Variants in PRDM16 observed in about 807,000 individuals in gnomAD.
PRDM16 encodes histone-lysine N-methyltransferase PRDM16.
In PRDM16, 23 loss-of-function variants were observed where a neutral mutation model predicts 110.6. The observed-to-expected ratio is 0.21, with a 90% CI of 0.15 to 0.29. The LOEUF (loss-of-function observed/expected upper bound fraction) is 0.29, where lower values mean the gene tolerates loss of function less well. Among genes scored for constraint, PRDM16 ranks in the 10% least tolerant of loss-of-function variants. The pLI, the probability that PRDM16 is intolerant of heterozygous loss-of-function variation, is 1.00. For synonymous variants in PRDM16, 799 were observed against 781.8 expected (o/e 1.02, Z -0.37); for missense variants, 1,615 against 1,794.3 (o/e 0.90, Z 1.81).
chr1:3,147,495 C>T (rs914844422), intron 1 of PRDM16, among the ~76,000 whole-genome samples: 1 of 152,100 alleles, frequency 6.6e-6, no homozygotes, highest in Non-Finnish European at 1.5e-5. Context: ...TGGACTCCGT[C>T]GCCCTGAGGC....
chr1:3,407,852 G>C (rs935566978), intron 8 of PRDM16, among the ~76,000 whole-genome samples: 3 of 152,216 alleles, frequency 2.0e-5, no homozygotes, highest in African/African-American at 7.2e-5. Context: ...GGCGACTCTT[G>C]CGCTTCTTGT....
intron 4 of PRDM16, 91 bp from the exon 5 acceptor site, chr1:3,396,400 G>C (rs547257276): frequency 1.3e-5 from 10 of 769,726 alleles, no homozygotes; most frequent in South Asian, 8.8e-5. Flanking sequence ...GCCGAGCTGC[G>C]TCCACAGTGT....
chr1:3,412,082 G>A lies in PRDM16; in HGVS notation c.1885G>A (p.Val629Met), dbSNP rs568518616. The change falls in exon 9 of 17, where the codon GTG (valine) becomes ATG (methionine). Residue 629 changes from valine to methionine, a missense_variant. Around this residue, in one of 5 missense-constraint regions of PRDM16, gnomAD observed 772 missense variants for 748.3 expected, o/e 1.03. Coordinates refer to ENST00000270722, the MANE Select transcript of PRDM16 (RefSeq NM_022114.4). The part of the protein sequence containing the change: ...TGTGSDLDSD[V>M]DSDPDKDKGK... ...GACGGGCTCGGACCTGGACAGCGAC[G>A]TGGACAGCGACCCTGACAAGGACAA... is the stretch of plus-strand genomic sequence containing the variant. 3.1e-5 allele frequency: 50 copies of A among 1,595,168 alleles called. No individual in the cohort carries two copies. The highest frequency in any genetic ancestry group is 1.0e-4 in the Admixed American group (6 of 58,652).
chr1:3,432,210 C>T (rs1638788243), intron 16 of PRDM16, 70 bp downstream of exon 16: 4 of 1,440,104 alleles, frequency 2.8e-6, no homozygotes, highest in East Asian at 4.6e-5. Flanking sequence ...CAGCACTCCT[C>T]TCCCGCCGTG....
chr1:3,233,664 T>C (rs1639471481), intron 2 of PRDM16, among the ~76,000 whole-genome samples: 1 of 152,194 alleles, frequency 6.6e-6, no homozygotes, highest in African/African-American at 2.4e-5. Flanking sequence ...TACATAACTT[T>C]ACTAACACAG....
chr1:3,319,102 G>A (rs531241490), intron 3 of PRDM16, among the ~76,000 whole-genome samples: 10 of 152,258 alleles, frequency 6.6e-5, no homozygotes, highest in Admixed American at 6.5e-4. Context: ...AGAACCCAGG[G>A]AGCAAAAACA....
At position 3,414,786 on chromosome 1, in the gene PRDM16, G is replaced by T. The variant is rs904623193; in HGVS notation, c.2691+139G>T. 15 of 664,950 alleles carry T rather than the reference G, an allele frequency of 2.3e-5. No individual in the cohort carries two copies. The African/African-American group carries it at 2.7e-4, about 12-fold the overall frequency. The allele number at this position is 664,950 out of a possible 1,614,324, so 41.2% of individuals were successfully genotyped here. A position where few individuals can be genotyped will look rare whatever the true frequency, so the allele number is the denominator to read the frequency against. On this transcript the variant is annotated intron_variant, in intron 10 of 16. Coordinates refer to ENST00000270722, the MANE Select transcript of PRDM16 (RefSeq NM_022114.4). ...CCACGCACAGACGCCCTCAAAGGCA[G>T]AGGAGGATTCTCTCCCTGAGGCCCC...
intron 3 of PRDM16, among the ~76,000 whole-genome samples, chr1:3,383,475 G>A (rs1643140558): frequency 6.6e-6 from 1 of 152,148 alleles, no homozygotes; most frequent in South Asian, 2.1e-4. Flanking sequence ...GTGCTCTGGG[G>A]GCCAACTTTC....
intron 3 of PRDM16, among the ~76,000 whole-genome samples, chr1:3,268,356 C>T (rs1475418314): frequency 6.6e-6 from 1 of 152,180 alleles, no homozygotes; most frequent in African/African-American, 2.4e-5. Context: ...GGATTGTGAC[C>T]CCTTAATTAA....
At position 3,081,971 on chromosome 1, in the gene PRDM16, G is replaced by A. The variant is rs369567987; in HGVS notation, c.37+12675G>A. On this transcript the variant is annotated intron_variant, in intron 1 of 16. Coordinates refer to ENST00000270722, the MANE Select transcript of PRDM16 (RefSeq NM_022114.4). This position sits in a 1 kb window ranked among gnomAD's most constrained non-coding sequence, Gnocchi z 4.6. ...GTGCCAAGGCAGCGGCAAAGCCCCC[G>A]TGAGCACCAACCCAAGCCTTGCACC... 3.3e-5 allele frequency among the ~76,000 whole-genome samples: 5 copies of A among 152,220 alleles called. No individual in the cohort carries two copies. Among genetic ancestry groups the A allele is most frequent in the African/African-American group, 4.8e-5 (2 of 41,468 alleles).
Position 3,412,074 on chromosome 1 carries a change from A to G in PRDM16, c.1877A>G (p.Asp626Gly). Reference protein sequence around the residue: ...DTTTGTGSDLDSDVDSDPDKD... With the variant: ...DTTTGTGSDLGSDVDSDPDKD... ...ACCACGGGGACGGGCTCGGACCTGG[A>G]CAGCGACGTGGACAGCGACCCTGAC... is the stretch of plus-strand genomic sequence containing the variant. Residue 626 changes from aspartate (D) to glycine (G), a missense_variant, in exon 9 of 17, where the codon GAC (aspartate) becomes GGC (glycine). Asp to Gly is a moderately conservative substitution (Grantham distance 94). This residue lies in a region of PRDM16 where 772 missense variants were observed against 748.3 expected (regional missense o/e 1.03). Transcript: ENST00000270722. 1 of 1,601,522 alleles carries G rather than the reference A, an allele frequency of 6.2e-7. No homozygotes were observed.
chr1:3,302,520 G>A (rs1030954128), intron 3 of PRDM16, among the ~76,000 whole-genome samples: 1 of 120,052 alleles, frequency 8.3e-6, no homozygotes, highest in Non-Finnish European at 1.8e-5. Flanking sequence ...AAAAAAAAAT[G>A]CAATATTGCA....
intron 1 of PRDM16, among the ~76,000 whole-genome samples, chr1:3,092,502 C>A (rs200698991): frequency 2.0e-5 from 3 of 148,926 alleles, no homozygotes; most frequent in Non-Finnish European, 4.5e-5. Flanking sequence ...TGGGAGCTGT[C>A]TTTTTATTTC....
chr1:3,310,515 A>G (rs1202348723), intron 3 of PRDM16, among the ~76,000 whole-genome samples: 2 of 151,998 alleles, frequency 1.3e-5, no homozygotes, highest in Non-Finnish European at 2.9e-5. Flanking sequence ...GGTCTCAGCC[A>G]AGCTCCACTT....
chr1:3,192,415 C>T (rs142943314), intron 2 of PRDM16, among the ~76,000 whole-genome samples: 1 of 152,166 alleles, frequency 6.6e-6, no homozygotes, highest in Non-Finnish European at 1.5e-5. Context: ...GGAGGAGACC[C>T]TAAGGAGTCA....
Position 3,224,126 on chromosome 1 carries a change from G to A in PRDM16, c.388-19961G>A, listed in dbSNP as rs554435654. Among the ~76,000 whole-genome samples the A allele has an allele frequency of 9.5e-4, 144 of 152,234 alleles. 1 individual carries two copies. Among genetic ancestry groups the A allele is most frequent in the African/African-American group, 3.3e-3 (136 of 41,548 alleles). On this transcript the variant is annotated intron_variant, in intron 2 of 16. Coordinates refer to ENST00000270722, the MANE Select transcript of PRDM16 (RefSeq NM_022114.4). ...ATTTCCCTGAAAGCATCAATAACCA[G>A]AGTGGACATTTATTGCCCCGTGGAT... is the stretch of plus-strand genomic sequence containing the variant.
rs1553127287 is a variant in PRDM16, at chr1:3,114,202, C to CGCGCGCACACGCAT, written c.37+44908_37+44909insGCGCACACGCATGC. ...ACACACACGCACACACGCACACGCA[C>CGCGCGCACACGCAT]GCACACACGCACACGAACACACACG... On this transcript the variant is annotated intron_variant, in intron 1 of 16. Transcript: ENST00000270722. Among the ~76,000 whole-genome samples, 8 of 118,512 alleles carry CGCGCGCACACGCAT rather than the reference C, an allele frequency of 6.8e-5. No homozygotes were observed. In the South Asian group the frequency reaches 8.7e-4, roughly 13 times the overall value. The allele number at this position is 118,512 out of a possible 152,430, so 77.7% of individuals were successfully genotyped here.
intron 1 of PRDM16, among the ~76,000 whole-genome samples, chr1:3,166,128 T>C (rs1557496411): frequency 6.6e-6 from 1 of 152,262 alleles, no homozygotes; most frequent in East Asian, 1.9e-4. Context: ...CACCTTGCTT[T>C]CCGTTTGGCT....
intron 3 of PRDM16, among the ~76,000 whole-genome samples, chr1:3,321,410 GTGTA>G (rs751372496): frequency 1.3e-5 from 2 of 151,930 alleles, no homozygotes; most frequent in Non-Finnish European, 2.9e-5. Context: ...GCATTTGTGA[GTGTA>G]TGCATTTGTG....
Sources: allele counts gnomAD v4.1 joint callset (sites outside exome capture counted in the v4.1 genomes callset), GRCh38; gene constraint gnomAD v4.1.1; regional missense constraint gnomAD v4.1.1; non-coding constraint Gnocchi (gnomAD v3.1); transcripts MANE v1.5; gene names NCBI Gene and HGNC (gene_info 2026-07-23, HGNC 2026-07-21).